PLCG2: variants seen among roughly 807,000 people sequenced by gnomAD.
PLCG2 encodes 1-phosphatidylinositol 4,5-bisphosphate phosphodiesterase gamma-2.
In PLCG2, 69 loss-of-function variants were observed where a neutral mutation model predicts 175.6. That is an observed-to-expected ratio of 0.39 (90% CI 0.32 to 0.48). The LOEUF (loss-of-function observed/expected upper bound fraction) is 0.48, where lower values mean the gene tolerates loss of function less well. Among genes scored for constraint, PLCG2 ranks in the 20% least tolerant of loss-of-function variants. The probability of loss-of-function intolerance (pLI) is 0.91; values close to 1 mark genes in which losing one functional copy is unlikely to be tolerated. For missense variants in PLCG2, 1,798 were observed against 1,650.9 expected (o/e 1.09, Z -1.54); for synonymous variants, 827 against 624.0 (o/e 1.33, Z -4.85).
chr16:81,758,866 C>T (rs547901839), intron 2 of PLCG2, among the ~76,000 whole-genome samples: 11 of 152,048 alleles, frequency 7.2e-5, no homozygotes, highest in Admixed American at 1.3e-4. Context: ...TTAGTAGAGA[C>T]GGGGTTTCAC....
chr16:81,795,254 T>G (rs1911415536), intron 2 of PLCG2, among the ~76,000 whole-genome samples: 1 of 152,090 alleles, frequency 6.6e-6, no homozygotes, highest in South Asian at 2.1e-4. Flanking sequence ...CAGGGTACTG[T>G]AATAAGGAGT....
At chr16:81,939,840 C>G (rs1910866318) in intron 29 of PLCG2, 52 bp from the exon 30 acceptor site, 1 of 1,282,280 alleles carries the variant, frequency 7.8e-7, no homozygotes, top group Admixed American at 1.7e-5. Context: ...ATTGTCTTAC[C>G]AGAAGGGGGC....
chr16:81,948,698 A>C lies in PLCG2; in HGVS notation c.3570+2435A>C, dbSNP rs139377884. On this transcript the variant is annotated intron_variant, in intron 31 of 32. Transcript: ENST00000564138. ...TTTCCTTACACCTGGGGAGACCTGG[A>C]GGGACACAAAGGCCCTCCTTATGCC... Among the ~76,000 whole-genome samples, 865 of 152,274 alleles carry C rather than the reference A, an allele frequency of 5.7e-3. 8 individuals carry two copies. Among genetic ancestry groups the C allele is most frequent in the African/African-American group, 0.02 (831 of 41,546 alleles).
At chr16:81,849,657 G>C (rs1040324578) in intron 2 of PLCG2, among the ~76,000 whole-genome samples, 1 of 151,428 alleles carries the variant, frequency 6.6e-6, no homozygotes, top group Non-Finnish European at 1.5e-5. Context: ...TGTAATCCCA[G>C]CTACTCGGGA....
At chr16:81,770,830 G>A (rs140193596) in intron 2 of PLCG2, among the ~76,000 whole-genome samples, 1 of 152,222 alleles carries the variant, frequency 6.6e-6, no homozygotes, top group Non-Finnish European at 1.5e-5. Context: ...GGGCCGAGGC[G>A]GGCGGATCGT....
At chr16:81,854,637 C>T in intron 3 of PLCG2, 50 bp downstream of exon 3, 1 of 1,559,960 alleles carries the variant, frequency 6.4e-7, no homozygotes, top group Non-Finnish European at 8.8e-7. Context: ...TTAGTGTCTT[C>T]CTGAAGAAGT....
chr16:81,766,874 C>T (rs1253327614), intron 2 of PLCG2: 1 of 152,252 alleles, frequency 6.6e-6, no homozygotes, highest in Non-Finnish European at 1.5e-5. Context: ...TCTCCCACCT[C>T]CCTACAGCCC....
chr16:81,847,826 G>A (rs568930487), intron 2 of PLCG2, among the ~76,000 whole-genome samples: 1 of 152,278 alleles, frequency 6.6e-6, no homozygotes, highest in Non-Finnish European at 1.5e-5. Context: ...TGCATAGGCT[G>A]TATGCAAATT....
In PLCG2 at chr16:81,836,913, C is replaced by T. The variant is rs562356261; in HGVS notation, c.194-17531C>T. On this transcript the variant is annotated intron_variant, in intron 2 of 32. Transcript: ENST00000564138. ...GGTGTCAGGACCCCTGCTGTGCACA[C>T]GGGCATGTACTCAGTGTTTCTGTGC... 7.6e-4 allele frequency among the ~76,000 whole-genome samples: 115 copies of T among 152,278 alleles called. No individual in the cohort carries two copies. In the Middle Eastern group the frequency reaches 0.014, roughly 18 times the overall value.
chr16:81,915,802 TGAG>T lies in PLCG2; in HGVS notation c.2054+3090_2054+3092del, dbSNP rs370636314. On this transcript the variant is annotated intron_variant, in intron 19 of 32. Transcript: ENST00000564138. ...CACCCCAGAGCCCCCCTGCCTGCCC[TGAG>T]GAGCTCTTATAAAAAGTTTTAAAAT... Among the ~76,000 whole-genome samples, 705 of 152,288 alleles carry T rather than the reference TGAG, an allele frequency of 4.6e-3. 8 individuals carry two copies. Among genetic ancestry groups the T allele is most frequent in the African/African-American group, 0.016 (670 of 41,562 alleles).
chr16:81,842,911 G>C (rs1905911276), intron 2 of PLCG2: 1 of 150,180 alleles, frequency 6.7e-6, no homozygotes, highest in South Asian at 2.2e-4. Context: ...GGCTGGAGTG[G>C]GGTGCCGGCC....
intron 11 of PLCG2, among the ~76,000 whole-genome samples, chr16:81,893,497 A>T (rs1908735468): frequency 6.6e-6 from 1 of 152,174 alleles, no homozygotes; most frequent in Non-Finnish European, 1.5e-5. Context: ...ACTTCCTGCG[A>T]TTGTGGCCTG....
chr16:81,845,967 T>C lies in PLCG2; in HGVS notation c.194-8477T>C, dbSNP rs77236903. Among the ~76,000 whole-genome samples, 890 of 152,324 alleles carry C rather than the reference T, an allele frequency of 5.8e-3. 11 individuals carry two copies. The highest frequency in any genetic ancestry group is 0.021 in the African/African-American group (862 of 41,586). ...TACTTCACTTCTCCACATCTCAGTT[T>C]CCTCATTTGTAAAATAGGGGCAGTC... On this transcript the variant is annotated intron_variant, in intron 2 of 32. Coordinates refer to ENST00000564138, the MANE Select transcript of PLCG2 (RefSeq NM_002661.5).
intron 2 of PLCG2, among the ~76,000 whole-genome samples, chr16:81,841,534 C>G (rs1337460084): frequency 6.6e-6 from 1 of 152,172 alleles, no homozygotes; most frequent in South Asian, 2.1e-4. Context: ...AACCACTGCG[C>G]CCGGCTGTAA....
intron 3 of PLCG2, chr16:81,857,830 G>C (rs1430671270): frequency 1.2e-5 from 2 of 167,906 alleles, no homozygotes; most frequent in African/African-American, 4.7e-5. Flanking sequence ...GACTGAACCT[G>C]TCTTAGGTTC....
chr16:81,952,592 C>G (rs1264906603), intron 31 of PLCG2, among the ~76,000 whole-genome samples: 1 of 152,112 alleles, frequency 6.6e-6, no homozygotes, highest in Non-Finnish European at 1.5e-5. Context: ...CTCCCAATGG[C>G]CACAGCTGGA....
intron 7 of PLCG2, among the ~76,000 whole-genome samples, chr16:81,874,061 C>T (rs1907650714): frequency 6.6e-6 from 1 of 152,332 alleles, no homozygotes; most frequent in Non-Finnish European, 1.5e-5. Flanking sequence ...CAAAGGTTGA[C>T]CCCTGGTGGC....
In PLCG2 at chr16:81,827,249, C is replaced by A. The variant is rs539329412; in HGVS notation, c.194-27195C>A. ...CCACTGAGGCTGGAGTGCAGTGGTG[C>A]CACTATCGCTCACTGCAGCCTCAGC... On this transcript the variant is annotated intron_variant, in intron 2 of 32. Transcript: ENST00000564138. Among the ~76,000 whole-genome samples the A allele has an allele frequency of 7.0e-4, 105 of 150,664 alleles. 1 individual carries two copies. The highest frequency in any genetic ancestry group is 1.9e-3 in the Admixed American group (29 of 15,050).
In PLCG2 at chr16:81,956,894, C is replaced by T. The variant is rs1221919653; in HGVS notation, c.3755+15C>T. 1.9e-6 allele frequency: 3 copies of T among 1,607,572 alleles called. No homozygotes were observed. Among genetic ancestry groups the T allele is most frequent in the African/African-American group, 2.7e-5 (2 of 74,724 alleles). ...TGCAACAAGAGGTAGGTCAGCCCCT[C>T]CACCTGCAAAAACTTTTGGGGGGTC... On this transcript the variant is annotated intron_variant, in intron 32 of 32. Transcript: ENST00000564138.
Sources: allele counts gnomAD v4.1 joint callset (sites outside exome capture counted in the v4.1 genomes callset), GRCh38; gene constraint gnomAD v4.1.1; transcripts MANE v1.5; gene names NCBI Gene and HGNC (gene_info 2026-07-23, HGNC 2026-07-21).